Variants in ARMC9 observed in about 807,000 individuals in gnomAD.
The protein encoded by ARMC9 is armadillo repeat containing 9, also known as lisH domain-containing protein ARMC9.
In ARMC9, 94 loss-of-function variants were observed where a neutral mutation model predicts 107.0. That is an observed-to-expected ratio of 0.88 (90% confidence interval 0.74 to 1.04). The LOEUF (loss-of-function observed/expected upper bound fraction) is 1.04. Ranked by LOEUF, ARMC9 falls within the 50% of genes least tolerant of loss-of-function variation. The probability of loss-of-function intolerance (pLI) is 0.00; values close to 1 mark genes in which losing one functional copy is unlikely to be tolerated. For synonymous variants in ARMC9, 380 were observed against 396.9 expected (o/e 0.96, Z 0.51); for missense variants, 942 against 1,030.1 (o/e 0.91, Z 1.17).
chr2:231,323,884 G>A (rs868618986), intron 19 of ARMC9, among the ~76,000 whole-genome samples: 30 of 152,118 alleles, frequency 2.0e-4, no homozygotes, highest in South Asian at 2.1e-4. Flanking sequence ...TAACAATAGC[G>A]TTTGCCTGCA....
At chr2:231,361,320 C>T (rs1006378039) in intron 23 of ARMC9, among the ~76,000 whole-genome samples, 1 of 151,420 alleles carries the variant, frequency 6.6e-6, no homozygotes, top group Non-Finnish European at 1.5e-5. Context: ...GGCCTCCAGG[C>T]TGGGGCGTGG....
At chr2:231,351,319 G>A (rs941438710) in intron 21 of ARMC9, among the ~76,000 whole-genome samples, 57 of 152,002 alleles carry the variant, frequency 3.7e-4, no homozygotes, top group African/African-American at 1.4e-3. Flanking sequence ...CCAGCAGAGA[G>A]AACCTGGATC....
chr2:231,325,518 T>G (rs377284442), intron 19 of ARMC9, among the ~76,000 whole-genome samples: 6 of 152,280 alleles, frequency 3.9e-5, no homozygotes, highest in African/African-American at 1.4e-4. Flanking sequence ...AAACTGTGAT[T>G]CCAATGCCCA....
intron 1 of ARMC9, among the ~76,000 whole-genome samples, chr2:231,205,608 A>G (rs1412740258): frequency 2.0e-5 from 3 of 152,214 alleles, no homozygotes; most frequent in Non-Finnish European, 2.9e-5. Flanking sequence ...AAGAGTAGGA[A>G]GAGTTTCTTT....
chr2:231,321,277 T>C (rs1259259410), intron 19 of ARMC9, among the ~76,000 whole-genome samples: 2 of 152,092 alleles, frequency 1.3e-5, no homozygotes, highest in East Asian at 3.9e-4. Context: ...ATGTGCTGCC[T>C]GGCCAGAATT....
At chr2:231,232,951 A>G (rs530495221) in intron 7 of ARMC9, among the ~76,000 whole-genome samples, 8 of 152,208 alleles carry the variant, frequency 5.3e-5, no homozygotes, top group Non-Finnish European at 5.9e-5. Context: ...CCTGGGTTCA[A>G]GCGATTCTCC....
chr2:231,285,875 ATTGATAAAGCCATTATATTCTCT>A (rs1440763429), intron 17 of ARMC9, among the ~76,000 whole-genome samples: 1 of 152,064 alleles, frequency 6.6e-6, no homozygotes, highest in Non-Finnish European at 1.5e-5. Context: ...AAGTTTTTAG[ATTGATAAAGCCATTATATTCTCT>A]TTGCATGTAG....
At chr2:231,301,748 A>G (rs1404109843) in intron 19 of ARMC9, among the ~76,000 whole-genome samples, 1 of 152,090 alleles carries the variant, frequency 6.6e-6, no homozygotes, top group Non-Finnish European at 1.5e-5. Flanking sequence ...AGAGGCCAAA[A>G]CAGGCACATC....
chr2:231,236,031 C>A (rs536983477), intron 8 of ARMC9, among the ~76,000 whole-genome samples: 1 of 152,318 alleles, frequency 6.6e-6, no homozygotes, highest in African/African-American at 2.4e-5. Flanking sequence ...AAGTGATCCT[C>A]CCACCTTGGC....
At position 231,337,439 on chromosome 2, in the gene ARMC9, G is replaced by A. The variant is rs1434116980; in HGVS notation, c.1878+5542G>A. Among the ~76,000 whole-genome samples, 8 of 148,382 alleles carry A rather than the reference G, an allele frequency of 5.4e-5. 1 individual carries two copies. In the Middle Eastern group the frequency reaches 0.01, roughly 192 times the overall value. ...AGCCTCCTGAGTAGCTGGAATTACA[G>A]GCGCGCGCCACCACGCCCGGCTAAT... On this transcript the variant is annotated intron_variant, in intron 20 of 24. Coordinates refer to ENST00000611582, the MANE Select transcript of ARMC9 (RefSeq NM_001352754.2).
At chr2:231,348,884 A>G (rs1464221797) in intron 21 of ARMC9, among the ~76,000 whole-genome samples, 1 of 152,162 alleles carries the variant, frequency 6.6e-6, no homozygotes, top group Non-Finnish European at 1.5e-5. Context: ...ACACTGAGAT[A>G]CCCTCTCACC....
intron 16 of ARMC9, among the ~76,000 whole-genome samples, chr2:231,281,026 A>G (rs951278894): frequency 6.6e-6 from 1 of 152,218 alleles, no homozygotes; most frequent in African/African-American, 2.4e-5. Context: ...TGTGGCAGGC[A>G]CAGCGTACAG....
rs552123668 is a variant in ARMC9, at chr2:231,357,246, G to C, written c.2131+1312G>C. Among the ~76,000 whole-genome samples, 6 of 152,324 alleles carry C rather than the reference G, an allele frequency of 3.9e-5. No individual in the cohort carries two copies. The East Asian group carries it at 1.2e-3, about 29-fold the overall frequency. ...CAGGACACTCAGCCTTGGTGGTCAC[G>C]GGCGGTTGCCAGTGCTTCTTCCTAG... On this transcript the variant is annotated intron_variant, in intron 22 of 24. Transcript: ENST00000611582.
At position 231,336,452 on chromosome 2, in the gene ARMC9, A is replaced by G. The variant is rs114501441; in HGVS notation, c.1878+4555A>G. On this transcript the variant is annotated intron_variant, in intron 20 of 24. Transcript: ENST00000611582. ...CGTCACCTGAGCCCACCTGCCTTTT[A>G]CCACTCAGCCGGGCCGCCTTGCAGC... 8.9e-3 allele frequency among the ~76,000 whole-genome samples: 1,362 copies of G among 152,262 alleles called. 18 individuals are homozygous for G. The highest frequency in any genetic ancestry group is 0.03 in the African/African-American group (1,251 of 41,550).
intron 9 of ARMC9, among the ~76,000 whole-genome samples, chr2:231,251,987 A>C (rs2037341334): frequency 6.6e-6 from 1 of 152,120 alleles, no homozygotes; most frequent in Non-Finnish European, 1.5e-5. Flanking sequence ...AGCCATCTCC[A>C]GCTTTGTTTA....
chr2:231,361,334 C>T (rs1233744230), intron 23 of ARMC9, among the ~76,000 whole-genome samples: 4 of 151,288 alleles, frequency 2.6e-5, no homozygotes, highest in Admixed American at 6.6e-5. Context: ...GGCGTGGTGG[C>T]GCACGCCTGT....
intron 9 of ARMC9, among the ~76,000 whole-genome samples, chr2:231,247,193 G>T (rs1304903537): frequency 6.6e-6 from 1 of 152,172 alleles, no homozygotes; most frequent in African/African-American, 2.4e-5. Context: ...TTGACCTCGT[G>T]ATCCACCTGC....
chr2:231,312,157 G>T (rs1227277566), intron 19 of ARMC9, among the ~76,000 whole-genome samples: 1 of 152,190 alleles, frequency 6.6e-6, no homozygotes, highest in African/African-American at 2.4e-5. Flanking sequence ...TACTCATGTG[G>T]CTTCATTCGG....
chr2:231,274,338 G>A (rs1053808220), intron 14 of ARMC9, among the ~76,000 whole-genome samples: 1 of 151,998 alleles, frequency 6.6e-6, no homozygotes, highest in African/African-American at 2.4e-5. Context: ...GTCTGGTCTC[G>A]AACTCCTAAC....
Sources: gnomAD v4.1 joint callset for allele counts (sites outside exome capture counted in the v4.1 genomes callset) on GRCh38, gnomAD v4.1.1 for gene constraint, MANE v1.5 for transcripts, NCBI Gene and HGNC (gene_info 2026-07-23, HGNC 2026-07-21) for gene names.